The following RELN variants were observed in gnomAD, a reference collection of about 807,000 sequenced individuals.
RELN encodes reelin.
In RELN, 108 loss-of-function variants were observed where a neutral mutation model predicts 427.6. That is an observed-to-expected ratio of 0.25 (90% confidence interval 0.22 to 0.30). RELN has a LOEUF of 0.30. Among genes scored for constraint, RELN ranks in the 10% least tolerant of loss-of-function variants. The pLI is 1.00. For missense variants in RELN, 3,715 were observed against 4,302.8 expected, an observed-to-expected ratio of 0.86 and a Z score of 3.82; for synonymous variants, 1,524 against 1,513.4, an observed-to-expected ratio of 1.01 and a Z score of -0.16.
chr7:103,718,474 G>A (rs753483232), intron 8 of RELN, among the ~76,000 whole-genome samples: 5 of 152,002 alleles, frequency 3.3e-5, no homozygotes, highest in East Asian at 1.9e-4. Flanking sequence ...CAGTAATTAC[G>A]TACTGATAAA....
intron 2 of RELN, among the ~76,000 whole-genome samples, chr7:103,881,852 A>G (rs1794614293): frequency 6.6e-6 from 1 of 152,198 alleles, no homozygotes; most frequent in Non-Finnish European, 1.5e-5. Context: ...GTGGTTTACT[A>G]GGCAGCAATG....
intron 2 of RELN, among the ~76,000 whole-genome samples, chr7:103,893,018 C>T (rs7796126): frequency 0.4 from 60,412 of 151,962 alleles, 12,938 homozygotes; most frequent in East Asian, 0.76. Context: ...TAGAAAGGGT[C>T]TTCAAGGGAG....
intron 3 of RELN, among the ~76,000 whole-genome samples, chr7:103,779,506 A>G (rs1439611073): frequency 6.6e-6 from 1 of 152,178 alleles, no homozygotes; most frequent in Non-Finnish European, 1.5e-5. Flanking sequence ...CCTACAAAGT[A>G]GATACTCTTA....
At chr7:103,723,902 T>A (rs754437139) in intron 7 of RELN, among the ~76,000 whole-genome samples, 2 of 152,206 alleles carry the variant, frequency 1.3e-5, no homozygotes, top group South Asian at 2.1e-4. Context: ...TTCCTTAGTT[T>A]CATGCTTAAG....
At chr7:103,486,725 AG>A (rs1325356041) in intron 60 of RELN, among the ~76,000 whole-genome samples, 3 of 152,238 alleles carry the variant, frequency 2.0e-5, no homozygotes, top group African/African-American at 7.2e-5. Flanking sequence ...CATGTCAGTT[AG>A]AATGGTGATC....
chr7:103,697,036 T>G (rs1438425033), intron 10 of RELN, among the ~76,000 whole-genome samples: 1 of 152,168 alleles, frequency 6.6e-6, no homozygotes, highest in African/African-American at 2.4e-5. Flanking sequence ...AGCCTCAGTT[T>G]GGGCTGCTAT....
rs77928807 is a variant in RELN at position 103,697,613 on chromosome 7, G to T, written c.1143+240C>A. 0.02 allele frequency among the ~76,000 whole-genome samples: 2,984 copies of T among 152,218 alleles called. 101 individuals are homozygous for T. The highest frequency in any genetic ancestry group is 0.069 in the African/African-American group (2,847 of 41,514). ...TTTGTGGTTATATTCTCTGGGTTCA[G>T]CCCAGTACACAGCACAGTGAGTTCT... On this transcript the variant is annotated intron_variant, in intron 10 of 64. Transcript: ENST00000428762.
chr7:103,683,179 A>T lies in RELN; in HGVS notation c.1144-918T>A, dbSNP rs913492233. Among the ~76,000 whole-genome samples the T allele has an allele frequency of 2.2e-4, 33 of 152,256 alleles. 1 individual carries two copies. The highest frequency in any genetic ancestry group is 7.9e-4 in the African/African-American group (33 of 41,552). ...TATATACTCTTAAAATGAAACAGAG[A>T]TGAAAAAAACCAACTGGACAAAACC... On this transcript the variant is annotated intron_variant, in intron 10 of 64. Transcript: ENST00000428762.
In RELN at chr7:103,554,179, C is replaced by T. The variant is rs1339707268; in HGVS notation, c.5798-348G>A. 3.5e-5 allele frequency among the ~76,000 whole-genome samples: 5 copies of T among 140,862 alleles called. No homozygotes were observed. The East Asian group carries it at 1.1e-3, about 31-fold the overall frequency. 92.4% of individuals were successfully genotyped at this position (140,862 alleles called of 152,430 possible). ...TCCAGCCTGGGCAACAGAGCAAGAC[C>T]ATGTCTCAAAAAAGAACCACACAAA... On this transcript the variant is annotated intron_variant, in intron 38 of 64. Coordinates refer to ENST00000428762, the MANE Select transcript of RELN (RefSeq NM_005045.4).
chr7:103,498,109 C>T lies in RELN; in HGVS notation c.8811G>A (p.Ala2937=), dbSNP rs144728023. 1,602 of 1,614,080 alleles carry T rather than the reference C, an allele frequency of 9.9e-4. 32 individuals carry two copies. The Admixed American group carries it at 0.025, about 25-fold the overall frequency. The change falls in exon 54 of 65, where the codon GCG becomes GCA. Residue 2937 remains alanine (A), a synonymous_variant. Coordinates refer to ENST00000428762, the MANE Select transcript of RELN (RefSeq NM_005045.4). ...CTCGAAGATCCAAATCTTGTGTAAC[C>T]GCTTGTCTCACAGTGGATCCCCCAA... ...LYFGGSTVRQ[A]VTQDLDLRGA...
At chr7:103,538,962 T>A (rs556264466) in intron 45 of RELN, 116 bp downstream of exon 45, 59 of 1,144,000 alleles carry the variant, frequency 5.2e-5, no homozygotes, top group Non-Finnish European at 7.1e-5. Flanking sequence ...TGACTCAAAG[T>A]GCACTTGTGT....
At position 103,553,759 on chromosome 7, in the gene RELN, A is replaced by C; in HGVS notation, c.5870T>G (p.Leu1957Arg). 2 of 1,613,952 alleles carry C rather than the reference A, an allele frequency of 1.2e-6. No individual in the cohort carries two copies. The highest frequency in any genetic ancestry group is 1.7e-6 in the Non-Finnish European group (2 of 1,179,826). The part of the protein sequence containing the change: ...DGNNVNNPVM[L>R]LDTFDFGPRE... ...GGGCCCAAAATCAAATGTATCCAAG[A>C]GCATCACAGGGTTGTTTACATTATT... The change falls in exon 39 of 65, where the codon CTC becomes CGC. Residue 1957 changes from leucine to arginine, a missense_variant. This residue lies in a region of RELN where 1,310 missense variants were observed against 1,643.0 expected (regional missense o/e 0.80). Coordinates refer to ENST00000428762, the MANE Select transcript of RELN (RefSeq NM_005045.4).
chr7:103,907,441 A>AAAAAAAAAC (rs1795238130), intron 2 of RELN, among the ~76,000 whole-genome samples: 1 of 147,672 alleles, frequency 6.8e-6, no homozygotes, highest in Non-Finnish European at 1.5e-5. Flanking sequence ...AAAAAAAAAA[A>AAAAAAAAAC]AAGCCAGGCA....
intron 2 of RELN, among the ~76,000 whole-genome samples, chr7:103,888,865 A>G (rs897477192): frequency 2.0e-5 from 3 of 152,078 alleles, no homozygotes; most frequent in African/African-American, 7.2e-5. Context: ...CCAGATCCCA[A>G]CCACTTGCAC....
At chr7:103,737,629 C>T (rs564698591) in intron 6 of RELN, among the ~76,000 whole-genome samples, 1 of 152,276 alleles carries the variant, frequency 6.6e-6, no homozygotes, top group Non-Finnish European at 1.5e-5. Context: ...TTTGTTCAGA[C>T]AATTATGTTT....
intron 2 of RELN, among the ~76,000 whole-genome samples, chr7:103,839,181 G>A (rs1563043556): frequency 6.6e-6 from 1 of 152,046 alleles, no homozygotes; most frequent in Non-Finnish European, 1.5e-5. Context: ...CTTACATAAT[G>A]TCTCTGGTAG....
chr7:103,701,497 A>G (rs1834091190), intron 8 of RELN, among the ~76,000 whole-genome samples: 1 of 152,128 alleles, frequency 6.6e-6, no homozygotes, highest in Non-Finnish European at 1.5e-5. Context: ...TTCAAATACT[A>G]AATGAATGAG....
chr7:103,867,955 T>C (rs564481472), intron 2 of RELN, among the ~76,000 whole-genome samples: 1 of 152,132 alleles, frequency 6.6e-6, no homozygotes, highest in South Asian at 2.1e-4. Flanking sequence ...CACCTCCCTT[T>C]TCAAAGTCTT....
chr7:103,604,453 C>T lies in RELN; in HGVS notation c.3039G>A (p.Gln1013=). Reference sequence around the variant, plus strand: ...ACTCGTCTTGAGCTGTGTAATAGCTCTGGCTCCAGCGGAAACGGGTAGCAC... The same window carrying T: ...ACTCGTCTTGAGCTGTGTAATAGCTTTGGCTCCAGCGGAAACGGGTAGCAC... The part of the protein sequence containing the change: ...WSSATRFRWS[Q]SYYTAQDEWA... Residue 1013 remains glutamine, a synonymous_variant, in exon 23 of 65, where the codon CAG becomes CAA. Transcript: ENST00000428762. The T allele has an allele frequency of 1.2e-6, 2 of 1,613,962 alleles. No homozygotes were observed. Among genetic ancestry groups the T allele is most frequent in the Non-Finnish European group, 1.7e-6 (2 of 1,179,870 alleles).
Sources: gnomAD v4.1 joint callset for allele counts (sites outside exome capture counted in the v4.1 genomes callset) on GRCh38, gnomAD v4.1.1 for gene constraint, gnomAD v4.1.1 regional missense constraint, MANE v1.5 for transcripts, NCBI Gene and HGNC (gene_info 2026-07-23, HGNC 2026-07-21) for gene names.